Variants in SLC25A40 observed in about 807,000 individuals in gnomAD.
The protein encoded by SLC25A40 is solute carrier family 25 member 40, also known as mitochondrial glutathione transporter SLC25A40.
In SLC25A40, 41 loss-of-function variants were observed where a neutral mutation model predicts 46.5. The observed-to-expected ratio is 0.88, with a 90% CI of 0.69 to 1.14. The LOEUF (loss-of-function observed/expected upper bound fraction) is 1.14. Among genes scored for constraint, SLC25A40 ranks in the 50% most tolerant of loss-of-function variants. The pLI, the probability that SLC25A40 is intolerant of heterozygous loss-of-function variation, is 0.00. For missense variants in SLC25A40, 386 were observed against 393.6 expected (o/e 0.98, Z 0.16); for synonymous variants, 126 against 127.5 (o/e 0.99, Z 0.08).
intron 8 of SLC25A40, among the ~76,000 whole-genome samples, chr7:87,845,051 A>G (rs1231908534): frequency 6.6e-6 from 1 of 152,124 alleles, no homozygotes; most frequent in African/African-American, 2.4e-5. Context: ...TAGATAGATC[A>G]AGGCTACAGT....
intron 1 of SLC25A40, among the ~76,000 whole-genome samples, chr7:87,866,281 A>G (rs938280478): frequency 5.3e-5 from 8 of 151,984 alleles, no homozygotes; most frequent in African/African-American, 1.5e-4. Context: ...TGGCCTTCAC[A>G]TTTCAAGGGT....
chr7:87,865,998 G>A (rs926936153), intron 1 of SLC25A40, among the ~76,000 whole-genome samples: 5 of 151,894 alleles, frequency 3.3e-5, no homozygotes, highest in East Asian at 1.9e-4. Flanking sequence ...TGGGAGGATC[G>A]CTTGAGCCCA....
chr7:87,845,468 C>T lies in SLC25A40; in HGVS notation c.631+1481G>A, dbSNP rs532381494. ...CTGCGCATGTGAGGGATCTGGGTTG[C>T]GTGGTCCTTATGAAAATTTAATGCC... On this transcript the variant is annotated intron_variant, in intron 8 of 11. Transcript: ENST00000341119. Among the ~76,000 whole-genome samples, 13 of 152,206 alleles carry T rather than the reference C, an allele frequency of 8.5e-5. 1 individual carries two copies. The highest frequency in any genetic ancestry group is 3.1e-4 in the African/African-American group (13 of 41,540).
In SLC25A40 at chr7:87,835,241, GA is replaced by G. The variant is rs1191492825; in HGVS notation, c.*1007del. The G allele has an allele frequency of 1.3e-4, 19 of 151,546 alleles. No individual in the cohort carries two copies. Among genetic ancestry groups the G allele is most frequent in the Non-Finnish European group, 2.4e-4 (16 of 67,650 alleles). The allele number at this position is 151,546 out of a possible 1,614,324, so 9.4% of individuals were successfully genotyped here. The stretch of plus-strand genomic sequence containing the variant: ...AATTATTTAGACATGTATGGTGACT[GA>G]AAGCAATGTCTTCAAGGAAACAGCT... On this transcript the variant is annotated 3_prime_UTR_variant, in exon 12 of 12. Transcript: ENST00000341119.
At position 87,847,957 on chromosome 7, in the gene SLC25A40, G is replaced by C; in HGVS notation, c.353C>G (p.Thr118Arg). 1 of 1,606,708 alleles carries C rather than the reference G, an allele frequency of 6.2e-7. No individual in the cohort carries two copies. Among genetic ancestry groups the C allele is most frequent in the Non-Finnish European group, 8.5e-7 (1 of 1,177,592 alleles). ...ATCATAGCAGGTAAAATAAATAACT[G>C]TGGCAGGAACTGCCATCACTCTGTT... ...PPTLVMAVPA[T>R]VIYFTCYDQL... Residue 118 changes from threonine (T) to arginine (R), a missense_variant, in exon 7 of 12, where the codon ACA becomes AGA. Transcript: ENST00000341119.
intron 4 of SLC25A40, among the ~76,000 whole-genome samples, chr7:87,855,847 CATT>C (rs1479734993): frequency 2.0e-5 from 3 of 152,164 alleles, no homozygotes; most frequent in Non-Finnish European, 4.4e-5. Flanking sequence ...AAAAATACAT[CATT>C]ATTTGTCTCA....
intron 10 of SLC25A40, among the ~76,000 whole-genome samples, chr7:87,838,237 A>ATGTT (rs1345396985): frequency 6.6e-6 from 1 of 151,496 alleles, no homozygotes; most frequent in Admixed American, 6.6e-5. Flanking sequence ...TTTTTACTTC[A>ATGTT]TGTTTAAATT....
intron 2 of SLC25A40, among the ~76,000 whole-genome samples, chr7:87,859,401 C>T (rs1838663679): frequency 6.6e-6 from 1 of 152,028 alleles, no homozygotes; most frequent in African/African-American, 2.4e-5. Flanking sequence ...GAGATCGCAC[C>T]ACTGCACTCC....
At chr7:87,845,472 G>A (rs1371485656) in intron 8 of SLC25A40, among the ~76,000 whole-genome samples, 1 of 152,144 alleles carries the variant, frequency 6.6e-6, no homozygotes, top group African/African-American at 2.4e-5. Context: ...GGGTTGCGTG[G>A]TCCTTATGAA....
chr7:87,869,893 T>A (rs989130775), intron 1 of SLC25A40, among the ~76,000 whole-genome samples: 4 of 152,196 alleles, frequency 2.6e-5, no homozygotes, highest in Non-Finnish European at 4.4e-5. Context: ...TCCGAAGCCG[T>A]TGAACCATTT....
intron 1 of SLC25A40, among the ~76,000 whole-genome samples, chr7:87,875,168 T>C (rs1838970725): frequency 1.3e-5 from 2 of 152,258 alleles, no homozygotes; most frequent in African/African-American, 4.8e-5. Flanking sequence ...AAATATTTTA[T>C]TGGAGAGATA....
intron 10 of SLC25A40, among the ~76,000 whole-genome samples, chr7:87,839,695 C>G (rs1194825620): frequency 6.6e-6 from 1 of 151,680 alleles, no homozygotes; most frequent in Non-Finnish European, 1.5e-5. Flanking sequence ...ATTATGAGCT[C>G]TTTGAGGATT....
intron 8 of SLC25A40, among the ~76,000 whole-genome samples, chr7:87,846,746 A>G (rs770022707): frequency 7.0e-6 from 1 of 142,504 alleles, no homozygotes; most frequent in South Asian, 2.2e-4. Flanking sequence ...AATCACAAGG[A>G]AAAAAAAACA....
intron 10 of SLC25A40, among the ~76,000 whole-genome samples, chr7:87,840,151 T>G (rs1295051151): frequency 6.6e-6 from 1 of 151,810 alleles, no homozygotes; most frequent in African/African-American, 2.4e-5. Flanking sequence ...TTTAAGATTT[T>G]TCCTTTTAGG....
chr7:87,865,854 G>A (rs1289669552), intron 1 of SLC25A40, among the ~76,000 whole-genome samples: 2 of 152,192 alleles, frequency 1.3e-5, no homozygotes, highest in East Asian at 3.8e-4. Context: ...TGCCAAGGCA[G>A]GTGGATCGCT....
chr7:87,863,320 C>T (rs1410720050), intron 1 of SLC25A40, among the ~76,000 whole-genome samples: 1 of 151,928 alleles, frequency 6.6e-6, no homozygotes, highest in African/African-American at 2.4e-5. Flanking sequence ...AGGTGGTTAC[C>T]CACATGATGT....
rs1346428504 is a variant in SLC25A40 at position 87,849,919 on chromosome 7, C to T, written c.294G>A (p.Glu98=). The T allele has an allele frequency of 1.9e-6, 3 of 1,600,046 alleles. No individual in the cohort carries two copies. The highest frequency in any genetic ancestry group is 4.5e-5 in the East Asian group (2 of 44,390). ...LDAFFKIIRN[E]GIKSLWSGLP... ...GGCCACTCCATAGAGATTTAATGCC[C>T]TCATTTCGAATGATTTTAAAAAATG... Residue 98 remains glutamate, a synonymous_variant, in exon 6 of 12, where the codon GAG becomes GAA. Coordinates refer to ENST00000341119, the MANE Select transcript of SLC25A40 (RefSeq NM_018843.4).
intron 1 of SLC25A40, among the ~76,000 whole-genome samples, chr7:87,860,987 G>A (rs991186705): frequency 6.6e-6 from 1 of 152,150 alleles, no homozygotes; most frequent in Admixed American, 6.5e-5. Context: ...CATCTATGAC[G>A]GTTGTTTTTT....
intron 1 of SLC25A40, among the ~76,000 whole-genome samples, chr7:87,863,647 T>A (rs899504740): frequency 6.6e-6 from 1 of 151,702 alleles, no homozygotes; most frequent in Non-Finnish European, 1.5e-5. Flanking sequence ...TACATTAATA[T>A]AGTGTGTCAA....
Sources: allele counts gnomAD v4.1 joint callset (sites outside exome capture counted in the v4.1 genomes callset), GRCh38; gene constraint gnomAD v4.1.1; transcripts MANE v1.5; gene names NCBI Gene and HGNC (gene_info 2026-07-23, HGNC 2026-07-21).